Variants in LIMS1 observed in about 807,000 individuals in gnomAD.
LIMS1 encodes LIM zinc finger domain containing 1.
A neutral mutation model predicts 44.1 loss-of-function variants in LIMS1; 18 were observed. That is an observed-to-expected ratio of 0.41 (90% CI 0.28 to 0.61). LIMS1 has a LOEUF of 0.61. LIMS1 is among the 20% of genes least tolerant of loss of function. The pLI is 0.32. For missense variants in LIMS1, 201 were observed against 422.0 expected (o/e 0.48, Z 4.59); for synonymous variants, 93 against 149.1 (o/e 0.62, Z 2.74).
At chr2:108,597,716 CAG>C (rs1375490326) in intron 1 of LIMS1, among the ~76,000 whole-genome samples, 2 of 120,704 alleles carry the variant, frequency 1.7e-5, no homozygotes, top group African/African-American at 3.1e-5. Context: ...TTTTTTGCGA[CAG>C]AGTCTTGCAT....
At chr2:108,642,654 C>T (rs1010420669) in intron 1 of LIMS1, among the ~76,000 whole-genome samples, 65 of 152,066 alleles carry the variant, frequency 4.3e-4, no homozygotes, top group African/African-American at 6.3e-4. Flanking sequence ...CCACCGCGCC[C>T]GGCCGCTACT....
intron 1 of LIMS1, among the ~76,000 whole-genome samples, chr2:108,543,898 C>T (rs145956949): frequency 6.6e-6 from 1 of 152,236 alleles, no homozygotes; most frequent in East Asian, 1.9e-4. Context: ...AATAGCAGCC[C>T]AACCCTCAGT....
intron 1 of LIMS1, among the ~76,000 whole-genome samples, chr2:108,581,051 A>G (rs1376137738): frequency 6.6e-6 from 1 of 152,064 alleles, no homozygotes; most frequent in African/African-American, 2.4e-5. Flanking sequence ...TGGAATTTGT[A>G]ACGTGCTTCC....
intron 1 of LIMS1, among the ~76,000 whole-genome samples, chr2:108,608,452 C>T (rs1190513976): frequency 6.6e-6 from 1 of 151,956 alleles, no homozygotes; most frequent in African/African-American, 2.4e-5. Flanking sequence ...ACTATAGGCG[C>T]CCGCCACCAC....
chr2:108,565,839 G>C (rs1274095541), intron 1 of LIMS1, among the ~76,000 whole-genome samples: 1 of 152,160 alleles, frequency 6.6e-6, no homozygotes, highest in Non-Finnish European at 1.5e-5. Context: ...GAAGGCTGTG[G>C]CTTCACATGA....
At chr2:108,619,450 G>A (rs1266112983) in intron 1 of LIMS1, among the ~76,000 whole-genome samples, 4 of 151,838 alleles carry the variant, frequency 2.6e-5, no homozygotes, top group East Asian at 1.9e-4. Context: ...TTGGGAGGCC[G>A]AGGCAGTTCG....
chr2:108,596,294 A>G (rs1686679083), intron 1 of LIMS1, among the ~76,000 whole-genome samples: 2 of 152,220 alleles, frequency 1.3e-5, no homozygotes, highest in African/African-American at 4.8e-5. Flanking sequence ...TTTAATTTCC[A>G]AAGGAGGAAA....
In LIMS1 at chr2:108,620,624, C is replaced by T. The variant is rs13011431; in HGVS notation, c.33-38981C>T. Among the ~76,000 whole-genome samples the T allele has an allele frequency of 6.0e-3, 908 of 152,270 alleles. 5 individuals are homozygous for T. The highest frequency in any genetic ancestry group is 9.9e-3 in the Non-Finnish European group (671 of 68,028). ...AGGACCCATTCCACCTTAAAGCCAA[C>T]AGCATTGTGTCAGCCGGGGTGGCCT... On this transcript the variant is annotated intron_variant, in intron 1 of 9. Transcript: ENST00000544547.
chr2:108,681,248 C>G (rs1289906298), intron 9 of LIMS1: 1 of 1,244,262 alleles, frequency 8.0e-7, no homozygotes, highest in African/African-American at 1.5e-5. Flanking sequence ...TTGTAGTCAT[C>G]AGAGATTGAA....
intron 1 of LIMS1, among the ~76,000 whole-genome samples, chr2:108,551,035 G>A (rs1056434629): frequency 6.6e-6 from 1 of 151,792 alleles, no homozygotes; most frequent in Non-Finnish European, 1.5e-5. Context: ...AGGCTGAGGT[G>A]CGAGGATCAC....
intron 1 of LIMS1, among the ~76,000 whole-genome samples, chr2:108,542,454 A>T (rs977624611): frequency 6.6e-6 from 1 of 152,206 alleles, no homozygotes; most frequent in Non-Finnish European, 1.5e-5. Flanking sequence ...AGAGGTTAAG[A>T]ACTCACCAAG....
intron 1 of LIMS1, among the ~76,000 whole-genome samples, chr2:108,641,152 C>T (rs1032219692): frequency 2.0e-5 from 3 of 152,064 alleles, no homozygotes; most frequent in African/African-American, 7.2e-5. Flanking sequence ...CCATCTGAAA[C>T]GATGTATTTT....
At chr2:108,652,970 T>G (rs1203439616) in intron 1 of LIMS1, among the ~76,000 whole-genome samples, 2 of 152,212 alleles carry the variant, frequency 1.3e-5, no homozygotes, top group African/African-American at 4.8e-5. Flanking sequence ...AAGGAAAAAT[T>G]TTAAACCATG....
In LIMS1 at chr2:108,573,868, GAA is replaced by G. The variant is rs1685574986; in HGVS notation, c.32+39275_32+39276del. ...GACCTTGGGCCAAGATCAGGCTGAG[GAA>G]GAGAAGACTTGGAGCAGCAGAGGTG... On this transcript the variant is annotated intron_variant, in intron 1 of 9. Coordinates refer to ENST00000544547, the Ensembl canonical transcript of LIMS1. Among the ~76,000 whole-genome samples, 3 of 152,306 alleles carry G rather than the reference GAA, an allele frequency of 2.0e-5. No individual in the cohort carries two copies. The South Asian group carries it at 6.2e-4, about 32-fold the overall frequency.
intron 9 of LIMS1, among the ~76,000 whole-genome samples, chr2:108,682,393 G>A (rs531996342): frequency 2.0e-5 from 3 of 152,182 alleles, no homozygotes; most frequent in Non-Finnish European, 4.4e-5. Flanking sequence ...CCAGATACTC[G>A]CGAGGCTGAG....
At position 108,657,325 on chromosome 2, in the gene LIMS1, T is replaced by C. The variant is rs1391295417; in HGVS notation, c.33-2280T>C. Among the ~76,000 whole-genome samples, 4 of 152,290 alleles carry C rather than the reference T, an allele frequency of 2.6e-5. No individual in the cohort carries two copies. In the East Asian group the frequency reaches 7.7e-4, roughly 29 times the overall value. On this transcript the variant is annotated intron_variant, in intron 1 of 9. Coordinates refer to ENST00000544547, the Ensembl canonical transcript of LIMS1. ...CTTTTTGGGCTTTTTTAGAGTCCCA[T>C]TAAGATTGTTGAGGTTTGGTGAATC...
chr2:108,681,333 T>G, intron 9 of LIMS1: 5 of 984,872 alleles, frequency 5.1e-6, no homozygotes, highest in Non-Finnish European at 6.0e-6. Context: ...ATGAATACAC[T>G]CCATACTTAA....
chr2:108,548,002 T>C (rs1296353740), intron 1 of LIMS1, among the ~76,000 whole-genome samples: 1 of 152,206 alleles, frequency 6.6e-6, no homozygotes, highest in African/African-American at 2.4e-5. Flanking sequence ...TAAACATGGC[T>C]AGAGACTGGT....
chr2:108,625,218 A>G (rs978673403), intron 1 of LIMS1, among the ~76,000 whole-genome samples: 1 of 152,154 alleles, frequency 6.6e-6, no homozygotes, highest in Non-Finnish European at 1.5e-5. Context: ...TAATAAAAAT[A>G]TTTTTCACAT....
Sources: gnomAD v4.1 joint callset for allele counts (sites outside exome capture counted in the v4.1 genomes callset) on GRCh38, gnomAD v4.1.1 for gene constraint, MANE v1.5 for transcripts, NCBI Gene and HGNC (gene_info 2026-07-23, HGNC 2026-07-21) for gene names.